Variants in CNOT1 observed in about 807,000 individuals in gnomAD.
CNOT1 encodes CCR4-associated factor 1.
Under a neutral mutation model 273.8 loss-of-function variants are expected in CNOT1, and 15 were observed. That is an observed-to-expected ratio of 0.05 (90% CI 0.04 to 0.08). The LOEUF (loss-of-function observed/expected upper bound fraction) is 0.08. Among genes scored for constraint, CNOT1 ranks in the 10% least tolerant of loss-of-function variants. CNOT1 has a pLI of 1.00. For synonymous variants in CNOT1, 1,022 were observed against 1,005.5 expected (o/e 1.02, Z -0.31); for missense variants, 1,644 against 2,912.2 (o/e 0.56, Z 10.02).
At chr16:58,619,128 G>A (rs2043206255) in intron 1 of CNOT1, among the ~76,000 whole-genome samples, 1 of 151,994 alleles carries the variant, frequency 6.6e-6, no homozygotes, top group African/African-American at 2.4e-5. Context: ...TTGAACTCAG[G>A]AGGTCATGGT....
intron 16 of CNOT1, among the ~76,000 whole-genome samples, chr16:58,562,990 G>A (rs2040913942): frequency 6.6e-6 from 1 of 152,192 alleles, no homozygotes; most frequent in Non-Finnish European, 1.5e-5. Flanking sequence ...TAACAGTACT[G>A]AATAAGCCTA....
At chr16:58,601,024 A>C (rs1488331372) in intron 1 of CNOT1, among the ~76,000 whole-genome samples, 1 of 152,190 alleles carries the variant, frequency 6.6e-6, no homozygotes, top group Non-Finnish European at 1.5e-5. Flanking sequence ...GCACGGTCTC[A>C]GCTCACTGCA....
At chr16:58,608,525 G>A (rs1340403508) in intron 1 of CNOT1, among the ~76,000 whole-genome samples, 1 of 145,048 alleles carries the variant, frequency 6.9e-6, no homozygotes, top group Non-Finnish European at 1.5e-5. Context: ...CTGCACTCCA[G>A]CCTGGGTGAC....
intron 11 of CNOT1, 67 bp downstream of exon 11, chr16:58,581,278 G>C: frequency 6.7e-7 from 1 of 1,498,754 alleles, no homozygotes. Flanking sequence ...TCAATGGGTA[G>C]ATGGCACTAC....
At chr16:58,590,532 T>A (rs2042016041) in intron 2 of CNOT1, among the ~76,000 whole-genome samples, 1 of 151,974 alleles carries the variant, frequency 6.6e-6, no homozygotes, top group Non-Finnish European at 1.5e-5. Context: ...GAGGCGGAGG[T>A]TGCAGTGAGC....
chr16:58,629,649 G>A (rs571463782), intron 1 of CNOT1, 79 bp downstream of exon 1: 60 of 152,730 alleles, frequency 3.9e-4, no homozygotes, highest in East Asian at 3.9e-4. Context: ...GTCCACCCCT[G>A]TTCCTCCTCC....
intron 1 of CNOT1, among the ~76,000 whole-genome samples, chr16:58,622,240 G>A (rs1459292939): frequency 6.7e-6 from 1 of 149,302 alleles, no homozygotes; most frequent in Non-Finnish European, 1.5e-5. Flanking sequence ...CGTGAACCCG[G>A]GTAGCACAGC....
intron 38 of CNOT1, 137 bp from the exon 39 acceptor site, chr16:58,537,357 C>T (rs2039958027): frequency 2.3e-6 from 3 of 1,277,886 alleles, no homozygotes; most frequent in Admixed American, 3.2e-5. Flanking sequence ...CACACTGAAA[C>T]AAAACTATAC....
chr16:58,586,687 G>A lies in CNOT1; in HGVS notation c.495C>T (p.Val165=), dbSNP rs200925994. 2 of 1,613,302 alleles carry A rather than the reference G, an allele frequency of 1.2e-6. No individual in the cohort carries two copies. Among genetic ancestry groups the A allele is most frequent in the Non-Finnish European group, 8.5e-7 (1 of 1,179,910 alleles). The change falls in exon 7 of 49, where the codon GTC becomes GTT. Residue 165 remains valine (V), a synonymous_variant. Transcript: ENST00000317147. ...GGAAGCCACCTTCTTGATTTCCACT[G>A]ACGTCTGCGTCAATGTAAGAACGCA... ...DLLRSYIDAD[V]SGNQEGGFQD...
At chr16:58,594,033 T>A (rs2042158391) in intron 2 of CNOT1, among the ~76,000 whole-genome samples, 1 of 151,766 alleles carries the variant, frequency 6.6e-6, no homozygotes, top group Non-Finnish European at 1.5e-5. Context: ...TCACCTGAGG[T>A]CGGGAGTTCA....
chr16:58,585,821 A>C (rs1332074204), intron 7 of CNOT1, among the ~76,000 whole-genome samples: 2 of 152,218 alleles, frequency 1.3e-5, no homozygotes, highest in African/African-American at 2.4e-5. Flanking sequence ...ATACAAAGAA[A>C]GCATCAAAAA....
intron 31 of CNOT1, 184 bp downstream of exon 31, chr16:58,543,423 A>C (rs556592424): frequency 4.7e-5 from 70 of 1,490,642 alleles, no homozygotes; most frequent in Admixed American, 3.9e-4. Flanking sequence ...AAAAAAAAAA[A>C]ACACACAGAC....
intron 2 of CNOT1, among the ~76,000 whole-genome samples, chr16:58,589,245 G>C (rs900022426): frequency 1.3e-5 from 2 of 152,182 alleles, no homozygotes; most frequent in African/African-American, 4.8e-5. Context: ...GGGTGCAGTG[G>C]CTCACGCCTG....
intron 17 of CNOT1, chr16:58,559,771 G>A (rs1225417048): frequency 6.0e-6 from 3 of 501,352 alleles, no homozygotes; most frequent in Non-Finnish European, 1.2e-5. Context: ...GAGAGAAGGG[G>A]GTGGTTGATG....
At chr16:58,616,796 G>C (rs1267656194) in intron 1 of CNOT1, among the ~76,000 whole-genome samples, 1 of 152,020 alleles carries the variant, frequency 6.6e-6, no homozygotes, top group Admixed American at 6.6e-5. Flanking sequence ...TTTTGTGTTA[G>C]AATCAGTGAA....
chr16:58,562,915 TA>T (rs2040910486), intron 16 of CNOT1, among the ~76,000 whole-genome samples: 1 of 152,072 alleles, frequency 6.6e-6, no homozygotes, highest in East Asian at 1.9e-4. Context: ...CATTAAGAAG[TA>T]AAAGTCATCA....
intron 14 of CNOT1, among the ~76,000 whole-genome samples, chr16:58,575,960 C>G (rs1461182970): frequency 6.6e-6 from 1 of 152,076 alleles, no homozygotes; most frequent in East Asian, 1.9e-4. Context: ...ATATGGAAGA[C>G]CAATCAAAAA....
rs958176465 is a variant in CNOT1 at position 58,523,496 on chromosome 16, T to G, written c.6791A>C (p.Tyr2264Ser). Residue 2264 changes from tyrosine (Y) to serine (S), a missense_variant, in exon 47 of 49, where the codon TAT becomes TCT. Physicochemically the swap from Tyr to Ser is moderately radical, Grantham distance 144. Coordinates refer to ENST00000317147, the MANE Select transcript of CNOT1 (RefSeq NM_016284.5). ...LAVDLDTEGR[Y>S]LFLNAIANQL... ...ATTTGCAATTGCATTCAAAAAGAGA[T>G]AGCGACCTAGAAATTAAGAAACCTT... 1.2e-6 allele frequency: 2 copies of G among 1,613,828 alleles called. No homozygotes were observed. The highest frequency in any genetic ancestry group is 1.7e-6 in the Non-Finnish European group (2 of 1,179,870).
chr16:58,618,443 A>G (rs2043174477), intron 1 of CNOT1, among the ~76,000 whole-genome samples: 1 of 152,070 alleles, frequency 6.6e-6, no homozygotes, highest in Non-Finnish European at 1.5e-5. Context: ...TTAGCAGGAC[A>G]TGGTGGTGCA....
Sources: allele counts gnomAD v4.1 joint callset (sites outside exome capture counted in the v4.1 genomes callset), GRCh38; gene constraint gnomAD v4.1.1; transcripts MANE v1.5; gene names NCBI Gene and HGNC (gene_info 2026-07-23, HGNC 2026-07-21).